LYRM4: variants seen among roughly 807,000 people sequenced by gnomAD.
The protein encoded by LYRM4 is LYR motif-containing protein 4.
Under a neutral mutation model 11.7 loss-of-function variants are expected in LYRM4, and 9 were observed. The ratio of observed to expected loss-of-function variants is 0.77; its 90% CI spans 0.46 to 1.34. LYRM4 has a LOEUF of 1.34. Among genes scored for constraint, LYRM4 ranks in the 40% most tolerant of loss-of-function variants. LYRM4 has a pLI of 0.00. For missense variants in LYRM4, 133 were observed against 112.5 expected (o/e 1.18, Z -0.82); for synonymous variants, 42 against 40.4 (o/e 1.04, Z -0.15).
intron 2 of LYRM4, among the ~76,000 whole-genome samples, chr6:5,138,356 C>T (rs1416089639): frequency 6.6e-6 from 1 of 151,654 alleles, no homozygotes; most frequent in African/African-American, 2.4e-5. Context: ...TGGTGGCACA[C>T]GCCTGTAGTC....
chr6:5,180,699 C>T (rs1382343895), intron 2 of LYRM4, among the ~76,000 whole-genome samples: 1 of 152,212 alleles, frequency 6.6e-6, no homozygotes, highest in Non-Finnish European at 1.5e-5. Context: ...CCAGCGTGGA[C>T]CTGGTGACCA....
chr6:5,062,661 TC>T, the LYRM4 span, among the ~76,000 whole-genome samples: 1 of 152,176 alleles, frequency 6.6e-6, no homozygotes, highest in Non-Finnish European at 1.5e-5. Context: ...GCCAGCTGGC[TC>T]TTCTACTGAA....
the LYRM4 span, chr6:5,066,017 T>A: frequency 2.9e-6 from 1 of 347,678 alleles, no homozygotes; most frequent in Admixed American, 3.7e-5. Flanking sequence ...TGCTTTCACA[T>A]GTGAAAAAAT....
intron 2 of LYRM4, among the ~76,000 whole-genome samples, chr6:5,165,763 G>A (rs1406082604): frequency 6.6e-6 from 1 of 152,032 alleles, no homozygotes; most frequent in Non-Finnish European, 1.5e-5. Context: ...GAGTGGTCTC[G>A]AATTCCTGAC....
intron 2 of LYRM4, among the ~76,000 whole-genome samples, chr6:5,123,865 C>T (rs554858802): frequency 1.3e-5 from 2 of 152,216 alleles, no homozygotes; most frequent in Admixed American, 1.3e-4. Flanking sequence ...TGTAGTTTTT[C>T]TCTAGCATTC....
At chr6:5,065,389 G>A in the LYRM4 span, among the ~76,000 whole-genome samples, 1 of 151,978 alleles carries the variant, frequency 6.6e-6, no homozygotes, top group Non-Finnish European at 1.5e-5. Flanking sequence ...TCATTCTGTA[G>A]TACTTGACAA....
chr6:5,147,807 G>A (rs376890568), intron 2 of LYRM4, among the ~76,000 whole-genome samples: 5 of 152,032 alleles, frequency 3.3e-5, no homozygotes, highest in African/African-American at 1.2e-4. Context: ...CTGTCTCATC[G>A]CTCCTTCCTT....
chr6:5,224,670 G>A (rs1056904109), intron 1 of LYRM4, among the ~76,000 whole-genome samples: 4 of 152,194 alleles, frequency 2.6e-5, no homozygotes, highest in Non-Finnish European at 4.4e-5. Context: ...TTTAAAAACA[G>A]ATGTTTCAGC....
At chr6:5,223,826 G>A (rs1156741464) in intron 1 of LYRM4, among the ~76,000 whole-genome samples, 1 of 152,200 alleles carries the variant, frequency 6.6e-6, no homozygotes, top group Non-Finnish European at 1.5e-5. Flanking sequence ...ATCCATTTTG[G>A]AGATCAAAGC....
chr6:5,090,825 G>T, the LYRM4 span, among the ~76,000 whole-genome samples: 1 of 152,140 alleles, frequency 6.6e-6, no homozygotes, highest in Non-Finnish European at 1.5e-5. This position sits in a 1 kb window ranked among gnomAD's most constrained non-coding sequence, Gnocchi z 4.8. Flanking sequence ...CAGCTTTCTA[G>T]CACAACGGTT....
chr6:5,154,035 C>T (rs757337365), intron 2 of LYRM4, among the ~76,000 whole-genome samples: 6 of 152,124 alleles, frequency 3.9e-5, no homozygotes, highest in Admixed American at 6.5e-5. Context: ...ATAAAAGCTA[C>T]GGAAACATTT....
At chr6:5,182,175 T>G (rs1760115202) in intron 2 of LYRM4, among the ~76,000 whole-genome samples, 1 of 152,228 alleles carries the variant, frequency 6.6e-6, no homozygotes, top group Non-Finnish European at 1.5e-5. Flanking sequence ...TTTTTTTTCT[T>G]TTGTTTTTAA....
intron 1 of LYRM4, among the ~76,000 whole-genome samples, chr6:5,220,055 T>G (rs1412459358): frequency 6.6e-6 from 1 of 152,234 alleles, no homozygotes; most frequent in South Asian, 2.1e-4. Context: ...AGACTCCCAT[T>G]TGGCTTTCCT....
chr6:5,097,128 C>A, the LYRM4 span, among the ~76,000 whole-genome samples: 3,592 of 152,110 alleles, frequency 0.024, 151 homozygotes, highest in African/African-American at 0.081. Flanking sequence ...GAGCTGCATG[C>A]GGTGAGGGCC....
chr6:5,089,543 AAGAGAAAT>A, the LYRM4 span: 1 of 152,370 alleles, frequency 6.6e-6, no homozygotes. Context: ...GGACTCAAAC[AAGAGAAAT>A]AGATTTTTAG....
the LYRM4 span, among the ~76,000 whole-genome samples, chr6:5,069,318 A>G: frequency 6.6e-6 from 1 of 152,124 alleles, no homozygotes; most frequent in South Asian, 2.1e-4. Flanking sequence ...CAGATATTGT[A>G]AAGATATTAA....
chr6:5,037,818 A>G, the LYRM4 span, among the ~76,000 whole-genome samples: 1 of 50,414 alleles, frequency 2.0e-5, no homozygotes, highest in Non-Finnish European at 4.7e-5. Context: ...CAGGGGGCTG[A>G]CCCCCCCTCC....
At chr6:5,070,023 AT>A in the LYRM4 span, among the ~76,000 whole-genome samples, 13 of 152,216 alleles carry the variant, frequency 8.5e-5, no homozygotes, top group Non-Finnish European at 1.8e-4. Flanking sequence ...AGGCTTAGCA[AT>A]TTGCATGAAT....
intron 2 of LYRM4, among the ~76,000 whole-genome samples, chr6:5,150,234 C>A (rs1032690346): frequency 6.6e-6 from 1 of 152,220 alleles, no homozygotes; most frequent in Non-Finnish European, 1.5e-5. Flanking sequence ...CATTCTGGAC[C>A]TTTATTCTCA....
Sources: gnomAD v4.1 joint callset for allele counts (sites outside exome capture counted in the v4.1 genomes callset) on GRCh38, gnomAD v4.1.1 for gene constraint, Gnocchi (gnomAD v3.1) non-coding constraint, MANE v1.5 for transcripts, NCBI Gene and HGNC (gene_info 2026-07-23, HGNC 2026-07-21) for gene names.